QPCT: variants seen among roughly 807,000 people sequenced by gnomAD.
QPCT encodes the protein EC.
Under a neutral mutation model 43.4 loss-of-function variants are expected in QPCT, and 44 were observed. The ratio of observed to expected loss-of-function variants is 1.01; its 90% CI spans 0.80 to 1.30. The LOEUF is 1.30. Among genes scored for constraint, QPCT ranks in the 50% most tolerant of loss-of-function variants. The probability of loss-of-function intolerance (pLI) is 0.00; values close to 1 mark genes in which losing one functional copy is unlikely to be tolerated. For missense variants in QPCT, 526 were observed against 436.5 expected (o/e 1.21, Z -1.83); for synonymous variants, 168 against 168.4 (o/e 1.00, Z 0.02).
chr2:37,348,961 TACTC>T lies in QPCT; in HGVS notation c.121-3826_121-3823del, dbSNP rs370812280. On this transcript the variant is annotated intron_variant, in intron 1 of 6. Transcript: ENST00000338415. ...CTCTTTCTTTCCAGCTTTTTCCTCT[TACTC>T]ATTCATCTCATCTCCACCTAAATTT... is the stretch of plus-strand genomic sequence containing the variant. 1.4e-4 allele frequency among the ~76,000 whole-genome samples: 22 copies of T among 152,378 alleles called. No individual in the cohort carries two copies. The East Asian group carries it at 4.0e-3, about 28-fold the overall frequency.
chr2:37,348,659 C>T (rs1672559636), intron 1 of QPCT, among the ~76,000 whole-genome samples: 1 of 152,170 alleles, frequency 6.6e-6, no homozygotes, highest in Non-Finnish European at 1.5e-5. Flanking sequence ...CTCTTTAAAA[C>T]CACATGATTA....
intron 3 of QPCT, among the ~76,000 whole-genome samples, chr2:37,366,719 G>C (rs1183390339): frequency 1.3e-5 from 2 of 152,218 alleles, no homozygotes; most frequent in Non-Finnish European, 2.9e-5. Context: ...GGAAGAAGTC[G>C]AGCTGCAGTG....
intron 1 of QPCT, 90 bp downstream of exon 1, chr2:37,344,941 G>A: frequency 1.4e-6 from 2 of 1,446,966 alleles, no homozygotes; most frequent in Non-Finnish European, 1.8e-6. Context: ...AGGCAGAGCG[G>A]GAGGCGGGGC....
In QPCT at chr2:37,352,860, A is replaced by T; in HGVS notation, c.192A>T (p.Glu64Asp). 1 of 1,614,212 alleles carries T rather than the reference A, an allele frequency of 6.2e-7. No homozygotes were observed. Residue 64 changes from glutamate to aspartate, a missense_variant, in exon 2 of 7, where the codon GAA (glutamate) becomes GAT (aspartate). Glu to Asp is a conservative substitution (Grantham distance 45). Transcript: ENST00000338415. ...TTGCAGAAGGCACCAGTATCTCTGA[A>T]ATGTGGCAAAATGACTTACAGCCAT... ...RQIAEGTSIS[E>D]MWQNDLQPLL...
At chr2:37,352,741 A>G (rs1367808231) in intron 1 of QPCT, 48 bp from the exon 2 acceptor site, 1 of 1,595,580 alleles carries the variant, frequency 6.3e-7, no homozygotes. Flanking sequence ...AGAGTCTTAA[A>G]CATGTTATGA....
chr2:37,346,311 G>A (rs968319911), intron 1 of QPCT, among the ~76,000 whole-genome samples: 9 of 152,158 alleles, frequency 5.9e-5, no homozygotes, highest in African/African-American at 4.8e-5. Context: ...TTCCCATGGG[G>A]GCCCATGAAG....
At chr2:37,347,229 A>AT (rs1491337323) in intron 1 of QPCT, among the ~76,000 whole-genome samples, 5 of 40,208 alleles carry the variant, frequency 1.2e-4, no homozygotes, top group South Asian at 7.4e-4. Flanking sequence ...ATATATATAT[A>AT]ACATATATAT....
At chr2:37,361,548 C>G (rs1292737292) in intron 3 of QPCT, among the ~76,000 whole-genome samples, 4 of 152,216 alleles carry the variant, frequency 2.6e-5, no homozygotes, top group South Asian at 2.1e-4. Context: ...GCTTGCTCTT[C>G]CGTGTCTTTG....
intron 1 of QPCT, among the ~76,000 whole-genome samples, chr2:37,352,062 T>G (rs1326378316): frequency 6.6e-6 from 1 of 151,304 alleles, no homozygotes; most frequent in African/African-American, 2.4e-5. Context: ...AAGAAACATA[T>G]GTAATTTTAA....
chr2:37,367,726 G>A (rs929059949), intron 4 of QPCT, among the ~76,000 whole-genome samples: 1 of 152,038 alleles, frequency 6.6e-6, no homozygotes, highest in African/African-American at 2.4e-5. Context: ...AAAATAATTA[G>A]CTGGGTGTTG....
intron 2 of QPCT, among the ~76,000 whole-genome samples, chr2:37,353,917 T>C (rs943962767): frequency 6.6e-6 from 1 of 152,318 alleles, no homozygotes; most frequent in Non-Finnish European, 1.5e-5. Flanking sequence ...CAGGCTGGAG[T>C]GCAGTGGCGC....
At position 37,369,749 on chromosome 2, in the gene QPCT, A is replaced by G. The variant is rs2124943044; in HGVS notation, c.788A>G (p.Asn263Ser). ...PNPTFPNFFP[N>S]SARWFERLQA... ...CCAACGTTTCCCAATTTTTTTCCAA[A>G]CTCAGCCAGGTGGTTCGAAAGACTT... Residue 263 changes from asparagine (N) to serine (S), a missense_variant, in exon 5 of 7, where the codon AAC (asparagine) becomes AGC (serine). By Grantham distance (46) the Asn-to-Ser change is conservative (BLOSUM62 1). Coordinates refer to ENST00000338415, the MANE Select transcript of QPCT (RefSeq NM_012413.4). 6.2e-7 allele frequency: 1 copy of G among 1,606,400 alleles called. No homozygotes were observed. The highest frequency in any genetic ancestry group is 8.5e-7 in the Non-Finnish European group (1 of 1,172,988).
intron 4 of QPCT, among the ~76,000 whole-genome samples, 160 bp downstream of exon 4, chr2:37,367,568 C>T (rs938544845): frequency 5.3e-5 from 8 of 152,216 alleles, no homozygotes; most frequent in South Asian, 2.1e-4. Flanking sequence ...TGAGGAATCC[C>T]AGAGCTAAAA....
chr2:37,369,561 T>G, intron 4 of QPCT, 124 bp from the exon 5 acceptor site: 1 of 718,176 alleles, frequency 1.4e-6, no homozygotes. Context: ...GGTTCATTCA[T>G]ATAGCTTGCC....
intron 3 of QPCT, chr2:37,360,119 C>A: frequency 2.3e-6 from 1 of 440,022 alleles, no homozygotes; most frequent in South Asian, 2.9e-5. Flanking sequence ...TGCAACATTT[C>A]TTTGTGAAAA....
At chr2:37,369,240 C>T (rs1179027972) in intron 4 of QPCT, among the ~76,000 whole-genome samples, 1 of 152,186 alleles carries the variant, frequency 6.6e-6, no homozygotes, top group Non-Finnish European at 1.5e-5. Flanking sequence ...TTCTTAGATA[C>T]TACTTGATCA....
At position 37,344,635 on chromosome 2, in the gene QPCT, A is replaced by AC; in HGVS notation, c.-94dup. The AC allele has an allele frequency of 1.3e-6, 2 of 1,492,896 alleles. No individual in the cohort carries two copies. The highest frequency in any genetic ancestry group is 1.8e-6 in the Non-Finnish European group (2 of 1,120,158). The allele number at this position is 1,492,896 out of a possible 1,614,324, so 92.5% of individuals were successfully genotyped here. A position where few individuals can be genotyped will look rare whatever the true frequency, so the allele number is the denominator to read the frequency against. On this transcript the variant is annotated 5_prime_UTR_variant, in exon 1 of 7. Coordinates refer to ENST00000338415, the MANE Select transcript of QPCT (RefSeq NM_012413.4). ...GGCGATGGGAAGGCGGGCGCAGTCG[A>AC]CCCAAGGGTGGAGAAGAGGGAAGGC...
At chr2:37,346,102 C>T (rs777510816) in intron 1 of QPCT, among the ~76,000 whole-genome samples, 2 of 152,088 alleles carry the variant, frequency 1.3e-5, no homozygotes, top group Non-Finnish European at 2.9e-5. Flanking sequence ...ATACAGGGCA[C>T]GCTGGTAAAT....
At chr2:37,350,173 C>T (rs1168568162) in intron 1 of QPCT, among the ~76,000 whole-genome samples, 1 of 152,130 alleles carries the variant, frequency 6.6e-6, no homozygotes, top group African/African-American at 2.4e-5. Flanking sequence ...CCGCAGATGC[C>T]AAAGCCTCAT....
Sources: gnomAD v4.1 joint callset for allele counts (sites outside exome capture counted in the v4.1 genomes callset) on GRCh38, gnomAD v4.1.1 for gene constraint, MANE v1.5 for transcripts, NCBI Gene and HGNC (gene_info 2026-07-23, HGNC 2026-07-21) for gene names.